Variants in SEC22C observed in about 807,000 individuals in gnomAD.
SEC22C encodes SEC22 homolog C, vesicle trafficking protein.
Under a neutral mutation model 34.7 loss-of-function variants are expected in SEC22C, and 29 were observed. The observed-to-expected ratio is 0.84, with a 90% CI of 0.62 to 1.14. SEC22C has a LOEUF of 1.14. Ranked by LOEUF, SEC22C falls within the 50% of genes most tolerant of loss-of-function variation. SEC22C has a pLI of 0.00. For synonymous variants in SEC22C, 117 were observed against 132.8 expected (o/e 0.88, Z 0.82); for missense variants, 337 against 369.0 (o/e 0.91, Z 0.71).
At position 42,567,138 on chromosome 3, in the gene SEC22C, G is replaced by A. The variant is rs182150214; in HGVS notation, c.182+1727C>T. 5.1e-4 allele frequency among the ~76,000 whole-genome samples: 78 copies of A among 152,206 alleles called. 1 individual carries two copies. In the East Asian group the frequency reaches 0.014, roughly 27 times the overall value. On this transcript the variant is annotated intron_variant, in intron 2 of 6. Transcript: ENST00000264454. ...ATTGCCCAGGCTGGTCTTGAACTTC[G>A]CGATCTTCCCGCCTCAGCCTCCCAA...
At chr3:42,575,582 T>C (rs1228479578) in intron 1 of SEC22C, among the ~76,000 whole-genome samples, 1 of 152,214 alleles carries the variant, frequency 6.6e-6, no homozygotes, top group African/African-American at 2.4e-5. Flanking sequence ...ATAATAATCC[T>C]GAATGTGTTT....
chr3:42,549,969 G>A lies in SEC22C; in HGVS notation c.*3279C>T, dbSNP rs770192741. The A allele has an allele frequency of 1.0e-5, 10 of 985,458 alleles. No individual in the cohort carries two copies. The highest frequency in any genetic ancestry group is 1.2e-5 in the Non-Finnish European group (10 of 829,938). 61.0% of individuals were successfully genotyped at this position (985,458 alleles called of 1,614,324 possible). A position where few individuals can be genotyped will look rare whatever the true frequency, so the allele number is the denominator to read the frequency against. On this transcript the variant is annotated 3_prime_UTR_variant, in exon 7 of 7. Transcript: ENST00000264454. The stretch of plus-strand genomic sequence containing the variant: ...CTGAGAGGGAATGCCACCCGAATAT[G>A]CCCCAGCTGTCTCCACCCAGGAAAA...
intron 1 of SEC22C, among the ~76,000 whole-genome samples, chr3:42,571,211 C>G (rs1703605748): frequency 1.3e-5 from 2 of 152,096 alleles, no homozygotes; most frequent in Admixed American, 1.3e-4. Flanking sequence ...CTAGTTTTAC[C>G]ACTCTCTAAA....
intron 1 of SEC22C, among the ~76,000 whole-genome samples, chr3:42,600,233 G>A (rs1022711823): frequency 1.3e-5 from 2 of 152,162 alleles, no homozygotes; most frequent in Non-Finnish European, 2.9e-5. Flanking sequence ...GCATTCTTCA[G>A]CCTAAAAGAC....
intron 4 of SEC22C, 112 bp from the exon 5 acceptor site, chr3:42,557,808 A>G (rs1702621218): frequency 1.9e-6 from 1 of 540,176 alleles, no homozygotes; most frequent in Non-Finnish European, 3.4e-6. Context: ...TATGTTAAAC[A>G]TAGAATTACA....
Position 42,576,800 on chromosome 3 carries a change from G to A in SEC22C, c.-28+5046C>T, listed in dbSNP as rs78134453. On this transcript the variant is annotated intron_variant, in intron 1 of 6. Coordinates refer to ENST00000264454, the MANE Select transcript of SEC22C (RefSeq NM_032970.4). ...GATTATTCTAAAATGCGTATGAAAAGGCAAAGAAACTAAAATAGCTAAAGC... is the reference window on the plus strand; with the variant it reads ...GATTATTCTAAAATGCGTATGAAAAAGCAAAGAAACTAAAATAGCTAAAGC... Among the ~76,000 whole-genome samples, 1,036 of 150,656 alleles carry A rather than the reference G, an allele frequency of 6.9e-3. 12 individuals are homozygous for A. Among genetic ancestry groups the A allele is most frequent in the African/African-American group, 0.024 (972 of 41,244 alleles).
In SEC22C at chr3:42,567,930, G is replaced by C. The variant is rs550374959; in HGVS notation, c.182+935C>G. Among the ~76,000 whole-genome samples the C allele has an allele frequency of 7.2e-5, 11 of 152,136 alleles. No individual in the cohort carries two copies. The East Asian group carries it at 2.1e-3, about 29-fold the overall frequency. ...TACTAAAAAATTCAAAAATTAGCCG[G>C]GCGTGGTGGTAGGTGCCTATAATCC... is the stretch of plus-strand genomic sequence containing the variant. On this transcript the variant is annotated intron_variant, in intron 2 of 6. Transcript: ENST00000264454.
chr3:42,599,648 C>T (rs1407226667), intron 1 of SEC22C, among the ~76,000 whole-genome samples: 3 of 150,698 alleles, frequency 2.0e-5, no homozygotes, highest in Non-Finnish European at 4.4e-5. Flanking sequence ...GCCGAGATCC[C>T]GCCACTGCAC....
At chr3:42,600,416 G>A (rs1342444788) in intron 1 of SEC22C, 1 of 152,282 alleles carries the variant, frequency 6.6e-6, no homozygotes, top group Non-Finnish European at 1.5e-5. Context: ...CACACCTGAC[G>A]AGATGGAGGG....
chr3:42,596,322 G>T (rs1373442970), intron 1 of SEC22C, among the ~76,000 whole-genome samples: 1 of 152,136 alleles, frequency 6.6e-6, no homozygotes, highest in Admixed American at 6.6e-5. Flanking sequence ...GCGCCCAGCC[G>T]ATCATTTCTG....
chr3:42,584,379 C>T (rs1163425275), upstream of SEC22C, among the ~76,000 whole-genome samples: 1 of 152,140 alleles, frequency 6.6e-6, no homozygotes, highest in Non-Finnish European at 1.5e-5. Context: ...CTCAGCCTCC[C>T]AAGTAGCTGG....
chr3:42,590,564 C>T (rs1257615143), intron 1 of SEC22C, among the ~76,000 whole-genome samples: 1 of 151,144 alleles, frequency 6.6e-6, no homozygotes. Context: ...CCAGCCTGGG[C>T]GACAGAGCGA....
chr3:42,598,486 C>T (rs1037023111), intron 1 of SEC22C, among the ~76,000 whole-genome samples: 1 of 152,030 alleles, frequency 6.6e-6, no homozygotes, highest in Admixed American at 6.6e-5. Flanking sequence ...TGCCACCACG[C>T]CCTGCTAATT....
At position 42,557,781 on chromosome 3, in the gene SEC22C, A is replaced by G. The variant is rs1204132419; in HGVS notation, c.527-85T>C. On this transcript the variant is annotated intron_variant, in intron 4 of 6. Coordinates refer to ENST00000264454, the MANE Select transcript of SEC22C (RefSeq NM_032970.4). ...AAACGAAGACATTAACTAGACCTAC[A>G]CTAATGATAGGTTCACTATGTTAAA... 4.6e-6 allele frequency: 3 copies of G among 655,850 alleles called. No individual in the cohort carries two copies. In the Admixed American group the frequency reaches 7.2e-5, roughly 16 times the overall value. The allele number at this position is 655,850 out of a possible 1,614,324, so 40.6% of individuals were successfully genotyped here.
intron 1 of SEC22C, among the ~76,000 whole-genome samples, chr3:42,596,508 A>C (rs537852629): frequency 1.3e-5 from 2 of 152,270 alleles, no homozygotes; most frequent in East Asian, 3.9e-4. Flanking sequence ...ATCATGGACA[A>C]ATTAAGCCTG....
chr3:42,562,036 G>A (rs185983058), intron 3 of SEC22C, among the ~76,000 whole-genome samples: 28 of 151,928 alleles, frequency 1.8e-4, no homozygotes, highest in Admixed American at 1.4e-3. Flanking sequence ...AAATGAATAC[G>A]TTGTGGAAAC....
upstream of SEC22C, among the ~76,000 whole-genome samples, chr3:42,585,258 A>G (rs1023905129): frequency 1.3e-5 from 2 of 152,214 alleles, no homozygotes; most frequent in Non-Finnish European, 2.9e-5. Flanking sequence ...TGGTTCAGGC[A>G]CCATGGTAGA....
At chr3:42,562,882 G>GT (rs900591511) in intron 3 of SEC22C, among the ~76,000 whole-genome samples, 77 of 152,220 alleles carry the variant, frequency 5.1e-4, no homozygotes, top group African/African-American at 1.8e-3. Context: ...TCAAGGAACT[G>GT]TTTTTTTCTT....
At chr3:42,599,942 T>A (rs1031027213) in intron 1 of SEC22C, among the ~76,000 whole-genome samples, 4 of 152,188 alleles carry the variant, frequency 2.6e-5, no homozygotes, top group Non-Finnish European at 5.9e-5. Flanking sequence ...ACCAATTGAC[T>A]TAATCAGAAT....
Sources: gnomAD v4.1 joint callset for allele counts (sites outside exome capture counted in the v4.1 genomes callset) on GRCh38, gnomAD v4.1.1 for gene constraint, MANE v1.5 for transcripts, NCBI Gene and HGNC (gene_info 2026-07-23, HGNC 2026-07-21) for gene names.